The following BNIP2 variants were observed in gnomAD, a reference collection of about 807,000 sequenced individuals.
BNIP2 encodes the protein BCL2 interacting protein 2, also known as BCL2/adenovirus E1B 19 kDa protein-interacting protein 2.
BNIP2 carries 36 observed loss-of-function variants against 43.4 expected under a neutral mutation model. The observed-to-expected ratio is 0.83, with a 90% CI of 0.64 to 1.10. BNIP2 has a LOEUF of 1.10. Ranked by LOEUF, BNIP2 falls within the 50% of genes least tolerant of loss-of-function variation. The pLI is 0.00. For synonymous variants in BNIP2, 146 were observed against 121.0 expected, an observed-to-expected ratio of 1.21 and a Z score of -1.35; for missense variants, 417 against 374.1, an observed-to-expected ratio of 1.11 and a Z score of -0.95.
At position 59,679,941 on chromosome 15, in the gene BNIP2, T is replaced by C. The variant is rs6151511; in HGVS notation, c.119-173A>G. Among the ~76,000 whole-genome samples the C allele has an allele frequency of 2.6e-5, 4 of 152,336 alleles. No homozygotes were observed. The East Asian group carries it at 7.7e-4, about 29-fold the overall frequency. On this transcript the variant is annotated intron_variant, in intron 3 of 9. Transcript: ENST00000607373. ...TCTGATCATTATTGCTTCTACATCGTTGGCAAGAGATCAATAAAGTATCAA... is the reference window on the plus strand; with the variant it reads ...TCTGATCATTATTGCTTCTACATCGCTGGCAAGAGATCAATAAAGTATCAA...
At position 59,679,554 on chromosome 15, in the gene BNIP2, A is replaced by G. The variant is rs755556098; in HGVS notation, c.295+38T>C. 44 of 1,577,480 alleles carry G rather than the reference A, an allele frequency of 2.8e-5. No individual in the cohort carries two copies. The South Asian group carries it at 4.1e-4, about 15-fold the overall frequency. ...TATTTCAAACAAAATCCCTTAGTAC[A>G]TTAATAAAGATCAGATTAAAAACAG... is the stretch of plus-strand genomic sequence containing the variant. On this transcript the variant is annotated intron_variant, in intron 4 of 9. Coordinates refer to ENST00000607373, the MANE Select transcript of BNIP2 (RefSeq NM_004330.4).
intron 1 of BNIP2, among the ~76,000 whole-genome samples, chr15:59,683,176 T>C (rs1194145637): frequency 6.6e-6 from 1 of 152,076 alleles, no homozygotes; most frequent in Non-Finnish European, 1.5e-5. Context: ...CTACGTATTT[T>C]AACATATGCC....
chr15:59,676,723 C>CGCAGT, intron 5 of BNIP2: 2 of 1,085,764 alleles, frequency 1.8e-6, no homozygotes, highest in South Asian at 2.9e-5. Flanking sequence ...TGGAGTGCCG[C>CGCAGT]GCGGTGCGGT....
intron 1 of BNIP2, among the ~76,000 whole-genome samples, chr15:59,684,777 G>A (rs1893909432): frequency 6.6e-6 from 1 of 152,168 alleles, no homozygotes; most frequent in African/African-American, 2.4e-5. Flanking sequence ...ACACCAGGAT[G>A]TTGTCTGGGT....
In BNIP2 at chr15:59,661,954, T is replaced by C. The variant is rs1892299907; in HGVS notation, c.*2115A>G. 6.6e-6 allele frequency: 1 copy of C among 152,206 alleles called. No homozygotes were observed. The highest frequency in any genetic ancestry group is 1.5e-5 in the Non-Finnish European group (1 of 68,028). 9.4% of individuals were successfully genotyped at this position (152,206 alleles called of 1,614,324 possible). A position where few individuals can be genotyped will look rare whatever the true frequency, so the allele number is the denominator to read the frequency against. Reference sequence around the variant, plus strand: ...TTCACAGCACCTCATTTTCATTATATCCCAGGTGTTATCACTGTTGTCTCT... The same window carrying C: ...TTCACAGCACCTCATTTTCATTATACCCCAGGTGTTATCACTGTTGTCTCT... On this transcript the variant is annotated 3_prime_UTR_variant, in exon 10 of 10. Transcript: ENST00000607373.
rs142543947 is a variant in BNIP2 at position 59,663,761 on chromosome 15, G to A, written c.*308C>T. On this transcript the variant is annotated 3_prime_UTR_variant, in exon 10 of 10. Coordinates refer to ENST00000607373, the MANE Select transcript of BNIP2 (RefSeq NM_004330.4). ...CATTTATGCATATAAATATTTCACC[G>A]AAGAAGATGCATCATTCAATAAACA... is the stretch of plus-strand genomic sequence containing the variant. 1.9e-5 allele frequency: 4 copies of A among 212,762 alleles called. No individual in the cohort carries two copies. The highest frequency in any genetic ancestry group is 1.0e-4 in the East Asian group (1 of 9,838). 13.2% of individuals were successfully genotyped at this position (212,762 alleles called of 1,614,324 possible).
chr15:59,669,071 T>C, intron 8 of BNIP2, 81 bp from the exon 9 acceptor site: 1 of 1,304,206 alleles, frequency 7.7e-7, no homozygotes, highest in Non-Finnish European at 1.1e-6. Context: ...ACAAAAATCA[T>C]GTCATTTTGA....
chr15:59,678,946 G>A, intron 4 of BNIP2: 1 of 1,021,020 alleles, frequency 9.8e-7, no homozygotes, highest in East Asian at 7.5e-5. Context: ...GTAAAACAGG[G>A]AAGAAAAAAG....
Position 59,663,855 on chromosome 15 carries a change from TAC to T in BNIP2, c.*212_*213del, listed in dbSNP as rs1268950083. ...AATATAAAATATAAAACGATAATAA[TAC>T]AGTTAGCTATTAAAGAGCTAAATTC... is the stretch of plus-strand genomic sequence containing the variant. On this transcript the variant is annotated 3_prime_UTR_variant, in exon 10 of 10. Transcript: ENST00000607373. 2 of 379,396 alleles carry T rather than the reference TAC, an allele frequency of 5.3e-6. No homozygotes were observed. The highest frequency in any genetic ancestry group is 9.3e-6 in the Non-Finnish European group (2 of 213,930). The allele number at this position is 379,396 out of a possible 1,614,324, so 23.5% of individuals were successfully genotyped here.
rs1334785334 is a variant in BNIP2, at chr15:59,671,048, G to C, written c.707+135C>G. The C allele has an allele frequency of 1.3e-5, 11 of 815,614 alleles. No homozygotes were observed. In the East Asian group the frequency reaches 3.7e-4, roughly 27 times the overall value. 50.5% of individuals were successfully genotyped at this position (815,614 alleles called of 1,614,324 possible). A position where few individuals can be genotyped will look rare whatever the true frequency, so the allele number is the denominator to read the frequency against. On this transcript the variant is annotated intron_variant, in intron 7 of 9. Transcript: ENST00000607373. ...AGATTGTGCCATTGCACTCCAGCCT[G>C]GGCAACAAGAGTGAAACTCCGTCTC...
intron 9 of BNIP2, among the ~76,000 whole-genome samples, chr15:59,667,902 T>C (rs1457854074): frequency 3.3e-5 from 5 of 152,230 alleles, no homozygotes; most frequent in African/African-American, 1.2e-4. Flanking sequence ...ATTGGCATCA[T>C]ATATGGCAAT....
chr15:59,668,801 A>G (rs941334501), intron 9 of BNIP2, 91 bp downstream of exon 9: 65 of 1,156,608 alleles, frequency 5.6e-5, no homozygotes, highest in Non-Finnish European at 1.2e-5. Context: ...TATAAAATAT[A>G]ATACATAAAG....
At chr15:59,684,516 A>G (rs1237800614) in intron 1 of BNIP2, among the ~76,000 whole-genome samples, 1 of 152,234 alleles carries the variant, frequency 6.6e-6, no homozygotes, top group African/African-American at 2.4e-5. Flanking sequence ...AATTACAATC[A>G]ACAAGCCCAA....
At chr15:59,678,334 G>C (rs1336656864) in intron 4 of BNIP2, 6 of 1,219,522 alleles carry the variant, frequency 4.9e-6, no homozygotes, top group Non-Finnish European at 6.2e-6. Context: ...ATAGTGAAAC[G>C]TGTATCCACA....
At chr15:59,680,846 C>G (rs1426203794) in intron 2 of BNIP2, among the ~76,000 whole-genome samples, 1 of 152,194 alleles carries the variant, frequency 6.6e-6, no homozygotes, top group Non-Finnish European at 1.5e-5. Flanking sequence ...ATCCTTCTGC[C>G]TCGGCCTCCC....
chr15:59,685,399 G>T (rs1893947516), intron 1 of BNIP2, among the ~76,000 whole-genome samples: 1 of 152,192 alleles, frequency 6.6e-6, no homozygotes, highest in Non-Finnish European at 1.5e-5. Flanking sequence ...TACTATGGAG[G>T]CTAAGGCAGG....
At chr15:59,676,743 A>C in intron 5 of BNIP2, 1 of 1,345,238 alleles carries the variant, frequency 7.4e-7, no homozygotes, top group Non-Finnish European at 1.0e-6. Flanking sequence ...TGCGGGCGGC[A>C]GAGTTGGGGT....
chr15:59,681,781 G>C (rs1893690843), intron 2 of BNIP2, among the ~76,000 whole-genome samples: 1 of 151,946 alleles, frequency 6.6e-6, no homozygotes, highest in African/African-American at 2.4e-5. Context: ...GACAACTAAA[G>C]ACCTCCTTCT....
chr15:59,669,771 A>T (rs373737427), intron 7 of BNIP2, among the ~76,000 whole-genome samples: 1 of 152,230 alleles, frequency 6.6e-6, no homozygotes, highest in African/African-American at 2.4e-5. Flanking sequence ...GTGTGAGTGG[A>T]GAAGATGACC....
Sources: allele counts gnomAD v4.1 joint callset (sites outside exome capture counted in the v4.1 genomes callset), GRCh38; gene constraint gnomAD v4.1.1; transcripts MANE v1.5; gene names NCBI Gene and HGNC (gene_info 2026-07-23, HGNC 2026-07-21).